The following MAGI1 variants were observed in gnomAD, a reference collection of about 807,000 sequenced individuals.
MAGI1 encodes membrane-associated guanylate kinase, WW and PDZ domain-containing protein 1.
MAGI1 carries 58 observed loss-of-function variants against 139.9 expected under a neutral mutation model. The ratio of observed to expected loss-of-function variants is 0.41; its 90% CI spans 0.34 to 0.52. The LOEUF is 0.52. Ranked by LOEUF, MAGI1 falls within the 20% of genes least tolerant of loss-of-function variation. The pLI is 0.12. For missense variants in MAGI1, 1,874 were observed against 1,901.6 expected, an observed-to-expected ratio of 0.99 and a Z score of 0.27; for synonymous variants, 812 against 737.9, an observed-to-expected ratio of 1.10 and a Z score of -1.63.
intron 22 of MAGI1, among the ~76,000 whole-genome samples, chr3:65,358,260 C>T (rs1940415749): frequency 6.6e-6 from 1 of 152,090 alleles, no homozygotes; most frequent in Admixed American, 6.5e-5. Flanking sequence ...TGCAACTAAA[C>T]CCAACAAGTC....
chr3:65,839,942 T>C (rs551536757), intron 1 of MAGI1, among the ~76,000 whole-genome samples: 2 of 152,340 alleles, frequency 1.3e-5, no homozygotes, highest in African/African-American at 4.8e-5. Context: ...TTGTCTTTAA[T>C]TAGCACTTTA....
chr3:65,531,040 C>G (rs754582437), intron 2 of MAGI1, among the ~76,000 whole-genome samples: 12 of 151,544 alleles, frequency 7.9e-5, no homozygotes, highest in Non-Finnish European at 1.5e-4. Flanking sequence ...TGACATAAGT[C>G]ATGTGTAATG....
chr3:65,811,485 G>A (rs1021043865), intron 1 of MAGI1, among the ~76,000 whole-genome samples: 9 of 152,144 alleles, frequency 5.9e-5, no homozygotes, highest in Middle Eastern at 3.4e-3. Context: ...TCCACTCATC[G>A]ACCAAGAGCA....
intron 2 of MAGI1, among the ~76,000 whole-genome samples, chr3:65,531,377 C>G (rs780670804): frequency 6.6e-6 from 1 of 152,080 alleles, no homozygotes; most frequent in African/African-American, 2.4e-5. Flanking sequence ...AATACATTAT[C>G]GTCAGGGGAA....
intron 1 of MAGI1, among the ~76,000 whole-genome samples, chr3:65,720,774 G>A (rs1386043894): frequency 2.0e-5 from 3 of 151,862 alleles, no homozygotes; most frequent in South Asian, 2.1e-4. Context: ...TTTAGAGACC[G>A]GGTCTCCCTC....
At chr3:65,940,093 C>T (rs2063236382) in intron 1 of MAGI1, among the ~76,000 whole-genome samples, 1 of 152,146 alleles carries the variant, frequency 6.6e-6, no homozygotes, top group Non-Finnish European at 1.5e-5. Flanking sequence ...GTGCCAGGAG[C>T]TAGGCTAGGC....
intron 1 of MAGI1, among the ~76,000 whole-genome samples, chr3:65,910,476 C>A (rs1055180204): frequency 9.2e-5 from 14 of 152,130 alleles, no homozygotes; most frequent in Admixed American, 9.2e-4. Context: ...CAATAAAGTA[C>A]GCCACCATTG....
At chr3:65,805,126 G>A (rs943006086) in intron 1 of MAGI1, among the ~76,000 whole-genome samples, 1 of 152,102 alleles carries the variant, frequency 6.6e-6, no homozygotes, top group African/African-American at 2.4e-5. Context: ...TACAACAAAA[G>A]AAACTATCAT....
At chr3:65,565,871 A>AG (rs1553669582) in intron 2 of MAGI1, among the ~76,000 whole-genome samples, 8 of 149,158 alleles carry the variant, frequency 5.4e-5, no homozygotes, top group South Asian at 4.2e-4. Context: ...AAAAAAAAAA[A>AG]AAAGAAACAT....
chr3:66,020,784 CT>C (rs931208681), intron 1 of MAGI1, among the ~76,000 whole-genome samples: 2 of 152,126 alleles, frequency 1.3e-5, no homozygotes, highest in African/African-American at 4.8e-5. Flanking sequence ...GCATAAAATA[CT>C]CAAGTTGAAA....
At chr3:65,594,214 T>C (rs1050587155) in intron 2 of MAGI1, among the ~76,000 whole-genome samples, 1 of 152,206 alleles carries the variant, frequency 6.6e-6, no homozygotes, top group Admixed American at 6.5e-5. Context: ...ACTCACTAGA[T>C]TCTTGAAAAG....
At chr3:65,959,793 T>C (rs942157945) in intron 1 of MAGI1, among the ~76,000 whole-genome samples, 1 of 115,500 alleles carries the variant, frequency 8.7e-6, no homozygotes, top group Non-Finnish European at 1.8e-5. Context: ...ATAAATAAAT[T>C]CTCTCTTTTT....
At chr3:65,846,934 A>G (rs1304025034) in intron 1 of MAGI1, among the ~76,000 whole-genome samples, 2 of 126,468 alleles carry the variant, frequency 1.6e-5, no homozygotes, top group African/African-American at 6.4e-5. Context: ...GGAAAGAAAC[A>G]TTGACTTGTC....
At chr3:65,432,079 T>A (rs1947498823) in intron 10 of MAGI1, among the ~76,000 whole-genome samples, 1 of 152,160 alleles carries the variant, frequency 6.6e-6, no homozygotes, top group Admixed American at 6.6e-5. Flanking sequence ...TTTATTGAGT[T>A]TTCTTGATAC....
At chr3:65,651,902 G>T (rs1013829366) in intron 1 of MAGI1, among the ~76,000 whole-genome samples, 1 of 152,062 alleles carries the variant, frequency 6.6e-6, no homozygotes, top group Non-Finnish European at 1.5e-5. Flanking sequence ...TATCTCTCCA[G>T]TTCAAACATG....
At chr3:65,898,864 T>C (rs1228012376) in intron 1 of MAGI1, among the ~76,000 whole-genome samples, 2 of 152,204 alleles carry the variant, frequency 1.3e-5, no homozygotes, top group South Asian at 2.1e-4. Flanking sequence ...CCCATGAATA[T>C]GTACAATTAT....
chr3:65,855,908 C>T (rs1375176892), intron 1 of MAGI1, among the ~76,000 whole-genome samples: 1 of 151,858 alleles, frequency 6.6e-6, no homozygotes, highest in South Asian at 2.1e-4. Flanking sequence ...GGAAGCTTCT[C>T]GCATGCCAGG....
chr3:65,843,696 C>T (rs1182287846), intron 1 of MAGI1, among the ~76,000 whole-genome samples: 1 of 152,162 alleles, frequency 6.6e-6, no homozygotes, highest in Non-Finnish European at 1.5e-5. Context: ...AATAAGTCAT[C>T]ACCATGACTT....
chr3:65,967,826 G>C (rs979614465), intron 1 of MAGI1, among the ~76,000 whole-genome samples: 1 of 152,160 alleles, frequency 6.6e-6, no homozygotes, highest in Non-Finnish European at 1.5e-5. Flanking sequence ...GACCTCCCAG[G>C]GGATGGAAGG....
Sources: gnomAD v4.1 joint callset for allele counts (sites outside exome capture counted in the v4.1 genomes callset) on GRCh38, gnomAD v4.1.1 for gene constraint, MANE v1.5 for transcripts, NCBI Gene and HGNC (gene_info 2026-07-23, HGNC 2026-07-21) for gene names.